PRKCE: variants seen among roughly 807,000 people sequenced by gnomAD.
PRKCE encodes protein kinase C epsilon, also known as protein kinase C epsilon type.
A neutral mutation model predicts 85.4 loss-of-function variants in PRKCE; 16 were observed. That is an observed-to-expected ratio of 0.19 (90% CI 0.13 to 0.28). The LOEUF is 0.28. PRKCE is among the 10% of genes least tolerant of loss of function. The pLI, the probability that PRKCE is intolerant of heterozygous loss-of-function variation, is 1.00. For missense variants in PRKCE, 573 were observed against 975.2 expected (o/e 0.59, Z 5.49); for synonymous variants, 388 against 371.5 (o/e 1.04, Z -0.51).
chr2:45,812,291 G>A (rs1688709990), intron 1 of PRKCE, among the ~76,000 whole-genome samples: 2 of 152,244 alleles, frequency 1.3e-5, no homozygotes, highest in Non-Finnish European at 2.9e-5. Flanking sequence ...GGCCCATGGA[G>A]TGAGAAGCCA....
chr2:45,926,145 G>T (rs913992890), intron 2 of PRKCE, among the ~76,000 whole-genome samples: 19 of 152,210 alleles, frequency 1.2e-4, no homozygotes, highest in African/African-American at 3.9e-4. Flanking sequence ...GTTGAGAAAT[G>T]ACAAAGTTGG....
chr2:45,824,712 T>C (rs1301768801), intron 1 of PRKCE, among the ~76,000 whole-genome samples: 3 of 152,176 alleles, frequency 2.0e-5, no homozygotes, highest in Non-Finnish European at 4.4e-5. Context: ...CCACCCAGTT[T>C]CAATAGTTGT....
chr2:46,000,260 G>T (rs775475818), intron 6 of PRKCE, among the ~76,000 whole-genome samples: 1 of 151,458 alleles, frequency 6.6e-6, no homozygotes, highest in Non-Finnish European at 1.5e-5. Flanking sequence ...TGTGAGTAAC[G>T]TGTGGAGGGA....
chr2:45,976,780 C>T (rs544729366), intron 3 of PRKCE, among the ~76,000 whole-genome samples, 192 bp downstream of exon 3: 3 of 151,616 alleles, frequency 2.0e-5, no homozygotes, highest in East Asian at 1.9e-4. Flanking sequence ...TGGAAAGAAG[C>T]GATGGTTTCT....
intron 1 of PRKCE, among the ~76,000 whole-genome samples, chr2:45,840,162 TG>T (rs1691230677): frequency 2.0e-5 from 3 of 152,180 alleles, no homozygotes; most frequent in Admixed American, 1.3e-4. Context: ...TCCACAGTCG[TG>T]GGAAATCTTT....
At chr2:45,825,573 C>T (rs918233027) in intron 1 of PRKCE, among the ~76,000 whole-genome samples, 1 of 152,138 alleles carries the variant, frequency 6.6e-6, no homozygotes, top group Non-Finnish European at 1.5e-5. Context: ...ATCAATGTTA[C>T]ACCTGATTTA....
At chr2:46,014,530 G>T (rs886711568) in intron 10 of PRKCE, among the ~76,000 whole-genome samples, 1 of 152,074 alleles carries the variant, frequency 6.6e-6, no homozygotes, top group Non-Finnish European at 1.5e-5. Context: ...GGGTAACATT[G>T]TCAGTAGTGT....
Position 46,155,361 on chromosome 2 carries a change from G to A in PRKCE, c.1920+4132G>A, listed in dbSNP as rs531172392. Among the ~76,000 whole-genome samples, 51 of 152,092 alleles carry A rather than the reference G, an allele frequency of 3.4e-4. 1 individual carries two copies. The highest frequency in any genetic ancestry group is 7.1e-4 in the Non-Finnish European group (48 of 68,018). On this transcript the variant is annotated intron_variant, in intron 13 of 14. Transcript: ENST00000306156. This position sits in a 1 kb window ranked among gnomAD's most constrained non-coding sequence, Gnocchi z 4.7. ...TCTCAGCTCCTTGCTGGTGTCACTC[G>A]CGGGCCCCTGTTCGGCTCCTTCATG...
chr2:45,705,965 C>A (rs1026777062), intron 1 of PRKCE, among the ~76,000 whole-genome samples: 1 of 152,124 alleles, frequency 6.6e-6, no homozygotes, highest in Admixed American at 6.5e-5. Context: ...ATATCTGCTT[C>A]GGAGCTCTGT....
intron 11 of PRKCE, among the ~76,000 whole-genome samples, chr2:46,121,451 C>A (rs1417549435): frequency 2.0e-5 from 3 of 152,180 alleles, no homozygotes; most frequent in Non-Finnish European, 4.4e-5. Flanking sequence ...CACCAAGGTG[C>A]CTGGCACAGT....
chr2:45,745,311 G>A (rs10171726), intron 1 of PRKCE, among the ~76,000 whole-genome samples: 9,775 of 152,150 alleles, frequency 0.064, 345 homozygotes, highest in African/African-American at 0.095. Flanking sequence ...GCCCTGACAG[G>A]CCCACCCCAA....
intron 12 of PRKCE, among the ~76,000 whole-genome samples, chr2:46,147,991 A>G: frequency 6.6e-6 from 1 of 152,230 alleles, no homozygotes; most frequent in East Asian, 1.9e-4. Flanking sequence ...GAGCATGGAA[A>G]TGCTTGAGAA....
chr2:46,024,539 G>A (rs1165558009), intron 10 of PRKCE, among the ~76,000 whole-genome samples: 1 of 152,016 alleles, frequency 6.6e-6, no homozygotes, highest in Non-Finnish European at 1.5e-5. Flanking sequence ...CCATTTTATC[G>A]GGAACACTTG....
At chr2:46,036,341 C>G (rs1036219396) in intron 10 of PRKCE, among the ~76,000 whole-genome samples, 1 of 152,126 alleles carries the variant, frequency 6.6e-6, no homozygotes, top group African/African-American at 2.4e-5. Flanking sequence ...CTTTGGGAGG[C>G]TGAGGCAGGA....
chr2:45,974,198 A>G (rs1868392), intron 2 of PRKCE, among the ~76,000 whole-genome samples: 123,895 of 152,162 alleles, frequency 0.81, 51,060 homozygotes, highest in East Asian at 0.97. Flanking sequence ...GTATGAAGCG[A>G]AACAAAAACT....
In PRKCE at chr2:46,016,766, G is replaced by A. The variant is rs147691492; in HGVS notation, c.1437+6249G>A. On this transcript the variant is annotated intron_variant, in intron 10 of 14. Coordinates refer to ENST00000306156, the MANE Select transcript of PRKCE (RefSeq NM_005400.3). ...TTTACTAAAAATACAAAAATTATCC[G>A]GACACGGTGGCGGGCACCTGTAATC... Among the ~76,000 whole-genome samples, 64 of 151,838 alleles carry A rather than the reference G, an allele frequency of 4.2e-4. 1 individual carries two copies. The East Asian group carries it at 0.011, about 26-fold the overall frequency.
intron 9 of PRKCE, among the ~76,000 whole-genome samples, chr2:46,009,568 A>C (rs1288432932): frequency 1.3e-5 from 2 of 152,220 alleles, no homozygotes; most frequent in African/African-American, 2.4e-5. Flanking sequence ...CTACATTGCT[A>C]GTGGCACATT....
intron 11 of PRKCE, among the ~76,000 whole-genome samples, chr2:46,107,105 A>T (rs556686612): frequency 2.6e-5 from 4 of 152,324 alleles, no homozygotes; most frequent in African/African-American, 7.2e-5. Context: ...TTGTCATACA[A>T]CATAGTTACA....
At chr2:45,844,761 T>A (rs1232598930) in intron 2 of PRKCE, among the ~76,000 whole-genome samples, 1 of 152,260 alleles carries the variant, frequency 6.6e-6, no homozygotes, top group Admixed American at 6.5e-5. Context: ...TATTTTCTCT[T>A]TCTTTGAAAA....
Sources: allele counts gnomAD v4.1 joint callset (sites outside exome capture counted in the v4.1 genomes callset), GRCh38; gene constraint gnomAD v4.1.1; non-coding constraint Gnocchi (gnomAD v3.1); transcripts MANE v1.5; gene names NCBI Gene and HGNC (gene_info 2026-07-23, HGNC 2026-07-21).